ARFGEF2: variants seen among roughly 807,000 people sequenced by gnomAD.
ARFGEF2 encodes the protein brefeldin A-inhibited guanine nucleotide-exchange protein 2.
In ARFGEF2, 74 loss-of-function variants were observed where a neutral mutation model predicts 219.9. That is an observed-to-expected ratio of 0.34 (90% CI 0.28 to 0.41). The LOEUF (loss-of-function observed/expected upper bound fraction) is 0.41. Among genes scored for constraint, ARFGEF2 ranks in the 10% least tolerant of loss-of-function variants. The pLI is 1.00. For missense variants in ARFGEF2, 1,743 were observed against 2,218.3 expected (o/e 0.79, Z 4.30); for synonymous variants, 733 against 799.2 (o/e 0.92, Z 1.40).
intron 33 of ARFGEF2, among the ~76,000 whole-genome samples, chr20:49,018,339 T>A (rs1027739114): frequency 1.3e-5 from 2 of 152,144 alleles, no homozygotes; most frequent in African/African-American, 2.4e-5. Flanking sequence ...TTCAAGCGAT[T>A]CTCATGCCTC....
intron 34 of ARFGEF2, among the ~76,000 whole-genome samples, chr20:49,021,690 A>G (rs2091565634): frequency 6.6e-6 from 1 of 151,464 alleles, no homozygotes; most frequent in South Asian, 2.1e-4. Context: ...TATTAAAACT[A>G]CAAAAAAAAT....
At chr20:48,984,155 C>T (rs1033311514) in intron 14 of ARFGEF2, among the ~76,000 whole-genome samples, 6 of 152,192 alleles carry the variant, frequency 3.9e-5, no homozygotes, top group Non-Finnish European at 7.3e-5. Context: ...GCTACGGTGG[C>T]CCTTAAGGAC....
chr20:48,998,033 AT>A, intron 23 of ARFGEF2, 159 bp from the exon 24 acceptor site: 1 of 673,248 alleles, frequency 1.5e-6, no homozygotes, highest in Middle Eastern at 4.0e-4. Context: ...AATTTTTTGT[AT>A]TTTTTATTAG....
At chr20:49,015,236 C>A (rs2091522706) in intron 30 of ARFGEF2, among the ~76,000 whole-genome samples, 1 of 152,124 alleles carries the variant, frequency 6.6e-6, no homozygotes, top group Non-Finnish European at 1.5e-5. Context: ...GCCTCAGCCT[C>A]CCAAGTAGCT....
chr20:48,986,785 GA>G (rs1218963073), intron 16 of ARFGEF2, among the ~76,000 whole-genome samples: 1 of 152,094 alleles, frequency 6.6e-6, no homozygotes, highest in African/African-American at 2.4e-5. Flanking sequence ...CTGCAGCCTG[GA>G]TCTCCTGGGC....
In ARFGEF2 at chr20:49,010,219, A is replaced by G. The variant is rs1243383296; in HGVS notation, c.3585-13A>G. The stretch of plus-strand genomic sequence containing the variant: ...AAAGTACAGACGATATGGCCGTCCC[A>G]TTCTTTCCTCAGGTCTCCCACCATC... On this transcript the variant is annotated splice_polypyrimidine_tract_variant and intron_variant, in intron 26 of 38. Coordinates refer to ENST00000371917, the MANE Select transcript of ARFGEF2 (RefSeq NM_006420.3). The G allele has an allele frequency of 3.1e-6, 5 of 1,611,734 alleles. No individual in the cohort carries two copies. Among genetic ancestry groups the G allele is most frequent in the Admixed American group, 3.3e-5 (2 of 59,984 alleles).
intron 26 of ARFGEF2, among the ~76,000 whole-genome samples, chr20:49,009,522 A>G (rs2091483083): frequency 1.3e-5 from 2 of 152,128 alleles, no homozygotes; most frequent in African/African-American, 4.8e-5. Flanking sequence ...AGATAGTACT[A>G]TCGAAGCAGT....
rs1017803602 is a variant in ARFGEF2 at position 48,929,385 on chromosome 20, T to C, written c.121+7375T>C. Among the ~76,000 whole-genome samples, 5 of 152,264 alleles carry C rather than the reference T, an allele frequency of 3.3e-5. No individual in the cohort carries two copies. In the East Asian group the frequency reaches 9.6e-4, roughly 29 times the overall value. On this transcript the variant is annotated intron_variant, in intron 1 of 38. Transcript: ENST00000371917. The stretch of plus-strand genomic sequence containing the variant: ...TTTGTCGTTCTGAATATAGCCCTTT[T>C]GCCTGTTGACTAAACCAGACCCAAC...
At chr20:49,021,014 T>G (rs2091562197) in intron 34 of ARFGEF2, among the ~76,000 whole-genome samples, 1 of 152,182 alleles carries the variant, frequency 6.6e-6, no homozygotes, top group South Asian at 2.1e-4. Context: ...TTTAATTGAC[T>G]TGGCATAAGT....
chr20:48,925,700 G>A (rs1172068344), intron 1 of ARFGEF2, among the ~76,000 whole-genome samples: 1 of 152,044 alleles, frequency 6.6e-6, no homozygotes, highest in Non-Finnish European at 1.5e-5. Flanking sequence ...AGCTGGGTGT[G>A]GTAGTGCATG....
chr20:49,014,771 A>G (rs796430524), intron 30 of ARFGEF2, among the ~76,000 whole-genome samples: 2 of 152,308 alleles, frequency 1.3e-5, no homozygotes, highest in South Asian at 2.1e-4. Flanking sequence ...TAAATAAATA[A>G]ATAAATATGG....
At chr20:49,004,991 T>C (rs2091448943) in intron 25 of ARFGEF2, 79 bp from the exon 26 acceptor site, 1 of 1,496,256 alleles carries the variant, frequency 6.7e-7, no homozygotes, top group Non-Finnish European at 9.3e-7. Flanking sequence ...AGGTAGGCTG[T>C]CCATCTTTGC....
chr20:48,924,839 G>C (rs1452217215), intron 1 of ARFGEF2, among the ~76,000 whole-genome samples: 2 of 152,146 alleles, frequency 1.3e-5, no homozygotes, highest in African/African-American at 4.8e-5. Context: ...TGTGATCTTG[G>C]ACAAGTTACT....
At chr20:48,963,943 C>T in intron 7 of ARFGEF2, 45 bp downstream of exon 7, 3 of 1,582,526 alleles carry the variant, frequency 1.9e-6, no homozygotes, top group Non-Finnish European at 2.6e-6. Context: ...CCTCATTCCT[C>T]CAAAAAGTCC....
intron 8 of ARFGEF2, among the ~76,000 whole-genome samples, chr20:48,967,590 C>G (rs896570606): frequency 3.9e-5 from 6 of 152,140 alleles, no homozygotes; most frequent in African/African-American, 1.2e-4. Context: ...GAGACCCCAT[C>G]TCATAAATAA....
intron 1 of ARFGEF2, among the ~76,000 whole-genome samples, chr20:48,934,146 A>G (rs1441077806): frequency 7.6e-6 from 1 of 131,282 alleles, no homozygotes; most frequent in East Asian, 2.3e-4. Flanking sequence ...AAAAAAAAAG[A>G]TTCAGGGAAG....
chr20:48,942,927 G>C (rs1321272293), intron 3 of ARFGEF2, among the ~76,000 whole-genome samples: 2 of 152,104 alleles, frequency 1.3e-5, no homozygotes, highest in African/African-American at 2.4e-5. Flanking sequence ...TATTGTTGAT[G>C]CATTAACATT....
Position 48,971,273 on chromosome 20 carries a change from G to T in ARFGEF2, c.1344G>T (p.Val448=), listed in dbSNP as rs2091226054. 6.2e-7 allele frequency: 1 copy of T among 1,614,140 alleles called. No homozygotes were observed. The highest frequency in any genetic ancestry group is 2.2e-5 in the East Asian group (1 of 44,882). The part of the protein sequence containing the change: ...VALSKNGVSS[V]PDVFELSLAI... ...TGTCCAAAAACGGCGTCTCTTCAGT[G>T]CCTGATGTCTTTGAGCTCTCTCTTG... The change falls in exon 10 of 39, where the codon GTG becomes GTT. Residue 448 remains valine, a synonymous_variant. Transcript: ENST00000371917.
chr20:48,989,321 A>G lies in ARFGEF2; in HGVS notation c.2570A>G (p.Asn857Ser). ...ASEKQRRLLY[N>S]LEMEQMAKTA... The stretch of plus-strand genomic sequence containing the variant: ...GAAAAGCAGCGGCGGCTGCTGTACA[A>G]CTTAGAGATGGAGCAAATGGCTAAA... Residue 857 changes from asparagine (N) to serine (S), a missense_variant, in exon 19 of 39, where the codon AAC (asparagine) becomes AGC (serine). By Grantham distance (46) the Asn-to-Ser change is conservative. This residue lies in a region of ARFGEF2 where 666 missense variants were observed against 955.4 expected (regional missense o/e 0.70). Transcript: ENST00000371917. The G allele has an allele frequency of 6.2e-7, 1 of 1,614,196 alleles. No homozygotes were observed. The highest frequency in any genetic ancestry group is 8.5e-7 in the Non-Finnish European group (1 of 1,180,018).
Sources: gnomAD v4.1 joint callset for allele counts (sites outside exome capture counted in the v4.1 genomes callset) on GRCh38, gnomAD v4.1.1 for gene constraint, gnomAD v4.1.1 regional missense constraint, MANE v1.5 for transcripts, NCBI Gene and HGNC (gene_info 2026-07-23, HGNC 2026-07-21) for gene names.